The following APP variants were observed in gnomAD, a reference collection of about 807,000 sequenced individuals.
APP encodes amyloid beta precursor protein.
In APP, 31 loss-of-function variants were observed where a neutral mutation model predicts 101.4. The ratio of observed to expected loss-of-function variants is 0.31; its 90% CI spans 0.23 to 0.41. The LOEUF (loss-of-function observed/expected upper bound fraction) is 0.41, where lower values mean the gene tolerates loss of function less well. Among genes scored for constraint, APP ranks in the 10% least tolerant of loss-of-function variants. The pLI is 1.00. For synonymous variants in APP, 366 were observed against 364.4 expected (o/e 1.00, Z -0.05); for missense variants, 839 against 1,003.7 (o/e 0.84, Z 2.22).
chr21:25,901,387 T>G (rs571529652), intron 15 of APP, among the ~76,000 whole-genome samples: 2 of 103,594 alleles, frequency 1.9e-5, no homozygotes, highest in Non-Finnish European at 4.7e-5. Flanking sequence ...CTGTGAATAC[T>G]TTTGGTGGTC....
chr21:25,966,078 T>C (rs1028919579), intron 11 of APP, among the ~76,000 whole-genome samples: 20 of 152,172 alleles, frequency 1.3e-4, no homozygotes, highest in African/African-American at 4.8e-4. Flanking sequence ...CTTCTTAATG[T>C]TCTATGTAAC....
chr21:25,926,891 T>C (rs112656400), intron 13 of APP, among the ~76,000 whole-genome samples: 636 of 150,218 alleles, frequency 4.2e-3, no homozygotes, highest in Non-Finnish European at 6.9e-3. Flanking sequence ...TAGTCCCAGC[T>C]ACTCGGGAGG....
intron 6 of APP, among the ~76,000 whole-genome samples, chr21:26,014,489 G>A (rs972490197): frequency 1.9e-4 from 29 of 152,044 alleles, no homozygotes; most frequent in African/African-American, 4.6e-4. Flanking sequence ...TTACTGATAC[G>A]CCAACTTCTC....
At chr21:25,949,034 A>C (rs945350215) in intron 13 of APP, among the ~76,000 whole-genome samples, 1 of 152,218 alleles carries the variant, frequency 6.6e-6, no homozygotes, top group African/African-American at 2.4e-5. Context: ...ATCTCTATAC[A>C]AACAATGCCT....
At chr21:25,932,704 G>T (rs2040199786) in intron 13 of APP, among the ~76,000 whole-genome samples, 1 of 150,618 alleles carries the variant, frequency 6.6e-6, no homozygotes, top group Non-Finnish European at 1.5e-5. Context: ...TTCCTTATCT[G>T]TTCTTAAAAT....
chr21:26,098,786 C>T (rs188856583), intron 2 of APP, among the ~76,000 whole-genome samples: 1 of 152,250 alleles, frequency 6.6e-6, no homozygotes, highest in East Asian at 1.9e-4. Flanking sequence ...TTTGAAAACG[C>T]TAAAAATTAT....
At chr21:26,118,283 G>T (rs1043928223) in intron 1 of APP, among the ~76,000 whole-genome samples, 1 of 152,230 alleles carries the variant, frequency 6.6e-6, no homozygotes, top group East Asian at 1.9e-4. Flanking sequence ...CTACTGCTAG[G>T]ACTGATATAA....
At chr21:25,893,094 T>C (rs929295546) in intron 16 of APP, among the ~76,000 whole-genome samples, 1 of 152,204 alleles carries the variant, frequency 6.6e-6, no homozygotes, top group South Asian at 2.1e-4. Context: ...AAAATTATTA[T>C]ATCTGTTTGG....
intron 17 of APP, among the ~76,000 whole-genome samples, chr21:25,883,463 G>A (rs369680731): frequency 8.7e-4 from 132 of 152,086 alleles, no homozygotes; most frequent in Middle Eastern, 6.8e-3. Flanking sequence ...AGGCCAAGGC[G>A]GGTGGATCAC....
chr21:25,914,412 T>G (rs138652595), intron 13 of APP, among the ~76,000 whole-genome samples: 2 of 151,968 alleles, frequency 1.3e-5, no homozygotes, highest in Non-Finnish European at 2.9e-5. Context: ...AATCAAGTCA[T>G]GACAGTTCCA....
At chr21:26,124,976 G>A (rs187862180) in intron 1 of APP, among the ~76,000 whole-genome samples, 134 of 152,322 alleles carry the variant, frequency 8.8e-4, no homozygotes, top group Non-Finnish European at 1.7e-3. Context: ...GCTAACCAAA[G>A]GTGCTGGAGT....
At chr21:26,033,973 G>A (rs1027231495) in intron 5 of APP, among the ~76,000 whole-genome samples, 1 of 152,164 alleles carries the variant, frequency 6.6e-6, no homozygotes, top group African/African-American at 2.4e-5. Flanking sequence ...GACCCCGCTG[G>A]AGAGGCATAC....
intron 3 of APP, among the ~76,000 whole-genome samples, chr21:26,083,710 G>C (rs1473444482): frequency 6.6e-6 from 1 of 152,192 alleles, no homozygotes; most frequent in African/African-American, 2.4e-5. Context: ...AAATAAGCTG[G>C]GTTTCTTTTT....
At chr21:26,056,133 G>A (rs1381720618) in intron 3 of APP, among the ~76,000 whole-genome samples, 6 of 152,186 alleles carry the variant, frequency 3.9e-5, no homozygotes, top group Admixed American at 3.9e-4. Context: ...GACCTCCGGG[G>A]GTCATGCAAT....
chr21:25,991,578 A>G (rs2042867328), intron 8 of APP, among the ~76,000 whole-genome samples: 1 of 152,144 alleles, frequency 6.6e-6, no homozygotes, highest in Non-Finnish European at 1.5e-5. Context: ...GGGTTTCGCC[A>G]TGTTGGCCAG....
At position 25,965,266 on chromosome 21, in the gene APP, A is replaced by G. The variant is rs574936207; in HGVS notation, c.1459-9511T>C. On this transcript the variant is annotated intron_variant, in intron 11 of 17. Coordinates refer to ENST00000346798, the MANE Select transcript of APP (RefSeq NM_000484.4). ...GTGTTGCTGAAATCATAAGCAAAAG[A>G]TATGTTCGACTAACTCGGACCCTTG... 4.6e-5 allele frequency among the ~76,000 whole-genome samples: 7 copies of G among 152,324 alleles called. No homozygotes were observed. In the South Asian group the frequency reaches 1.0e-3, roughly 23 times the overall value.
chr21:25,902,432 G>A (rs2038551110), intron 15 of APP, among the ~76,000 whole-genome samples: 1 of 151,708 alleles, frequency 6.6e-6, no homozygotes, highest in Non-Finnish European at 1.5e-5. Flanking sequence ...CACACGCATG[G>A]CTTAATACAT....
intron 1 of APP, among the ~76,000 whole-genome samples, chr21:26,128,164 C>T (rs370044760): frequency 6.6e-6 from 1 of 152,160 alleles, no homozygotes; most frequent in African/African-American, 2.4e-5. Context: ...AAACTGGTAA[C>T]GACACTGCAA....
intron 1 of APP, among the ~76,000 whole-genome samples, chr21:26,136,928 T>C (rs891120090): frequency 1.3e-5 from 2 of 152,262 alleles, no homozygotes; most frequent in South Asian, 4.1e-4. Context: ...ACAGTCTCAA[T>C]GTCACCCAGG....
Sources: allele counts gnomAD v4.1 joint callset (sites outside exome capture counted in the v4.1 genomes callset), GRCh38; gene constraint gnomAD v4.1.1; transcripts MANE v1.5; gene names NCBI Gene and HGNC (gene_info 2026-07-23, HGNC 2026-07-21).